DNAH7: variants seen among roughly 807,000 people sequenced by gnomAD.
The protein encoded by DNAH7 is axonemal beta dynein heavy chain 7.
DNAH7 carries 397 observed loss-of-function variants against 444.6 expected under a neutral mutation model. That is an observed-to-expected ratio of 0.89 (90% CI 0.82 to 0.97). The LOEUF (loss-of-function observed/expected upper bound fraction) is 0.97, where lower values mean the gene tolerates loss of function less well. DNAH7 is among the 50% of genes least tolerant of loss of function. The pLI is 0.00. For synonymous variants in DNAH7, 1,636 were observed against 1,624.4 expected, an observed-to-expected ratio of 1.01 and a Z score of -0.17; for missense variants, 4,902 against 4,800.8, an observed-to-expected ratio of 1.02 and a Z score of -0.62.
In DNAH7 at chr2:195,934,809, T is replaced by C. The variant is rs1436124765; in HGVS notation, c.3273-20A>G. 1 of 1,612,764 alleles carries C rather than the reference T, an allele frequency of 6.2e-7. No homozygotes were observed. Among genetic ancestry groups the C allele is most frequent in the African/African-American group, 1.3e-5 (1 of 74,890 alleles). ...TGCACCCTGTCAGGAAAAACATTTT[T>C]AAGATAATTAACCAAGTTAAAACAA... On this transcript the variant is annotated intron_variant, in intron 20 of 64. Coordinates refer to ENST00000312428, the MANE Select transcript of DNAH7 (RefSeq NM_018897.3).
At chr2:195,744,193 G>A (rs1468830590) in intron 63 of DNAH7, among the ~76,000 whole-genome samples, 9 of 152,224 alleles carry the variant, frequency 5.9e-5, no homozygotes, top group African/African-American at 1.7e-4. Context: ...CTTAAAAAAC[G>A]GCGCACCAGG....
chr2:195,772,085 G>C (rs1044688494), intron 60 of DNAH7, among the ~76,000 whole-genome samples, 195 bp from the exon 61 acceptor site: 1 of 152,092 alleles, frequency 6.6e-6, no homozygotes, highest in Non-Finnish European at 1.5e-5. Context: ...ACTATTGTTA[G>C]AGAGGAGGAA....
At position 195,923,668 on chromosome 2, in the gene DNAH7, G is replaced by A. The variant is rs757025849; in HGVS notation, c.3752C>T (p.Ser1251Leu). 1.7e-5 allele frequency: 28 copies of A among 1,614,078 alleles called. No homozygotes were observed. Among genetic ancestry groups the A allele is most frequent in the South Asian group, 1.6e-4 (15 of 91,074 alleles). Residue 1251 changes from serine (S) to leucine (L), a missense_variant, in exon 23 of 65, where the codon TCA becomes TTA. Transcript: ENST00000312428. ...GCTAATATTTTTTTTTACAAGTGATGAGAGGACATCTCTAGCATGGACATC... is the reference window on the plus strand; with the variant it reads ...GCTAATATTTTTTTTTACAAGTGATAAGAGGACATCTCTAGCATGGACATC... ...VLDVHARDVL[S>L]SLVKKNISDD... is the part of the protein sequence containing the mutation.
intron 36 of DNAH7, among the ~76,000 whole-genome samples, chr2:195,877,021 T>C (rs945305371): frequency 2.0e-5 from 3 of 152,206 alleles, no homozygotes; most frequent in Non-Finnish European, 4.4e-5. Context: ...GCCATTTGTC[T>C]CTCTCTAGAT....
At chr2:195,904,391 A>G (rs1278806855) in intron 27 of DNAH7, 2 of 152,384 alleles carry the variant, frequency 1.3e-5, no homozygotes, top group African/African-American at 2.4e-5. Flanking sequence ...TAGCATGTAG[A>G]AAGGCAAGGG....
chr2:195,902,557 A>T (rs970882251), intron 27 of DNAH7: 4 of 152,134 alleles, frequency 2.6e-5, no homozygotes, highest in Non-Finnish European at 4.4e-5. Flanking sequence ...AATTCCTACT[A>T]GTTTGAGGTC....
intron 5 of DNAH7, among the ~76,000 whole-genome samples, chr2:196,029,446 G>C (rs1695900845): frequency 6.6e-6 from 1 of 152,036 alleles, no homozygotes; most frequent in Admixed American, 6.6e-5. Flanking sequence ...TCCAGTCAGA[G>C]TGAAGATCCT....
chr2:195,961,080 A>G (rs1691066186), intron 17 of DNAH7, 135 bp from the exon 18 acceptor site: 3 of 614,510 alleles, frequency 4.9e-6, no homozygotes, highest in Non-Finnish European at 5.0e-6. Flanking sequence ...TCAATAATCT[A>G]GAAAAACAGA....
intron 24 of DNAH7, among the ~76,000 whole-genome samples, chr2:195,917,519 T>G (rs1464262115): frequency 6.6e-6 from 1 of 152,238 alleles, no homozygotes; most frequent in Non-Finnish European, 1.5e-5. Context: ...AGTTGTCCAC[T>G]TGGCCCTCTT....
At chr2:195,859,721 T>C (rs1220919706) in intron 42 of DNAH7, among the ~76,000 whole-genome samples, 2 of 152,122 alleles carry the variant, frequency 1.3e-5, no homozygotes, top group Non-Finnish European at 2.9e-5. Context: ...TCCCTGAGTG[T>C]GCAAAATATT....
intron 61 of DNAH7, among the ~76,000 whole-genome samples, chr2:195,770,176 G>C (rs1197167693): frequency 6.6e-6 from 1 of 152,116 alleles, no homozygotes; most frequent in Non-Finnish European, 1.5e-5. Context: ...TGCTGAACAA[G>C]AGACCAGTTC....
At chr2:195,992,734 T>C (rs377420456) in intron 12 of DNAH7, among the ~76,000 whole-genome samples, 4 of 152,214 alleles carry the variant, frequency 2.6e-5, no homozygotes, top group African/African-American at 7.2e-5. Context: ...GAGATGGCCA[T>C]TGCCTCCTGC....
rs891363587 is a variant in DNAH7 at position 195,861,943 on chromosome 2, A to C, written c.7510T>G (p.Trp2504Gly). ...ACTGCCTGGAGTGCATCTTCAGGCC[A>C]TGACTAAATGTAAGATAAATGCTTT... ...NCCTIDWFQS[W>G]PEDALQAVAS... Residue 2504 changes from tryptophan to glycine, a missense_variant, in exon 42 of 65, where the codon TGG (tryptophan) becomes GGG (glycine). Trp to Gly is a radical substitution (Grantham distance 184). Coordinates refer to ENST00000312428, the MANE Select transcript of DNAH7 (RefSeq NM_018897.3). 6.2e-7 allele frequency: 1 copy of C among 1,607,002 alleles called. No individual in the cohort carries two copies. The highest frequency in any genetic ancestry group is 8.5e-7 in the Non-Finnish European group (1 of 1,173,696).
At chr2:195,834,465 G>T in intron 47 of DNAH7, 105 bp from the exon 48 acceptor site, 1 of 1,252,384 alleles carries the variant, frequency 8.0e-7, no homozygotes, top group Non-Finnish European at 1.1e-6. Context: ...GCCCTTTATT[G>T]TAATATTTTA....
intron 47 of DNAH7, among the ~76,000 whole-genome samples, chr2:195,842,604 T>C (rs1389020379): frequency 2.0e-5 from 3 of 152,174 alleles, no homozygotes; most frequent in African/African-American, 4.8e-5. Context: ...TAATATTTTC[T>C]TCTTAGTATA....
intron 17 of DNAH7, 69 bp downstream of exon 17, chr2:195,969,879 A>G: frequency 3.4e-6 from 5 of 1,484,742 alleles, no homozygotes; most frequent in Non-Finnish European, 4.6e-6. Context: ...TTAAAGGTGA[A>G]TAACTAAAAC....
intron 63 of DNAH7, among the ~76,000 whole-genome samples, chr2:195,751,647 A>C (rs1286537224): frequency 6.6e-6 from 1 of 152,236 alleles, no homozygotes; most frequent in Non-Finnish European, 1.5e-5. Context: ...TGGTGTTCCC[A>C]AGATCCCAAA....
chr2:195,920,362 G>T (rs1239055166), intron 24 of DNAH7, among the ~76,000 whole-genome samples: 1 of 151,976 alleles, frequency 6.6e-6, no homozygotes, highest in East Asian at 1.9e-4. Flanking sequence ...ATAAAAATAG[G>T]CACATAGGCA....
rs534037410 is a variant in DNAH7 at position 196,052,585 on chromosome 2, T to A, written c.79-1336A>T. On this transcript the variant is annotated intron_variant, in intron 2 of 64. Coordinates refer to ENST00000312428, the MANE Select transcript of DNAH7 (RefSeq NM_018897.3). Reference sequence around the variant, plus strand: ...CTTTAATATTCTATACGCTGTGGGGTAAATACTGTTGTACCACTTTTATGC... The same window carrying A: ...CTTTAATATTCTATACGCTGTGGGGAAAATACTGTTGTACCACTTTTATGC... Among the ~76,000 whole-genome samples the A allele has an allele frequency of 9.2e-5, 14 of 152,318 alleles. No individual in the cohort carries two copies. In the South Asian group the frequency reaches 2.3e-3, roughly 25 times the overall value.
Sources: gnomAD v4.1 joint callset for allele counts (sites outside exome capture counted in the v4.1 genomes callset) on GRCh38, gnomAD v4.1.1 for gene constraint, MANE v1.5 for transcripts, NCBI Gene and HGNC (gene_info 2026-07-23, HGNC 2026-07-21) for gene names.